Variants in GRIA4 observed in about 807,000 individuals in gnomAD.
The protein encoded by GRIA4 is glutamate receptor 4.
A neutral mutation model predicts 104.0 loss-of-function variants in GRIA4; 34 were observed. That is an observed-to-expected ratio of 0.33 (90% CI 0.25 to 0.44). The LOEUF is 0.44. Among genes scored for constraint, GRIA4 ranks in the 20% least tolerant of loss-of-function variants. The pLI, the probability that GRIA4 is intolerant of heterozygous loss-of-function variation, is 1.00. For missense variants in GRIA4, 750 were observed against 1,096.5 expected, an observed-to-expected ratio of 0.68 and a Z score of 4.46; for synonymous variants, 386 against 381.9, an observed-to-expected ratio of 1.01 and a Z score of -0.13.
At chr11:105,752,877 A>G (rs1940085911) in intron 3 of GRIA4, 104 bp from the exon 4 acceptor site, 3 of 1,042,096 alleles carry the variant, frequency 2.9e-6, no homozygotes, top group African/African-American at 3.2e-5. Context: ...GACAGATCCA[A>G]TGATTCAGTG....
intron 12 of GRIA4, among the ~76,000 whole-genome samples, chr11:105,926,021 G>C (rs1947693325): frequency 6.6e-6 from 1 of 151,960 alleles, no homozygotes; most frequent in South Asian, 2.1e-4. Flanking sequence ...AGAGTGAAAA[G>C]AGAGAAAATC....
At chr11:105,803,911 A>G (rs1325709763) in intron 4 of GRIA4, among the ~76,000 whole-genome samples, 1 of 151,440 alleles carries the variant, frequency 6.6e-6, no homozygotes, top group Non-Finnish European at 1.5e-5. Context: ...CTTGGAGGTT[A>G]CAGTTGAGAC....
chr11:105,887,252 G>A, intron 5 of GRIA4, among the ~76,000 whole-genome samples: 1 of 152,162 alleles, frequency 6.6e-6, no homozygotes, highest in South Asian at 2.1e-4. Context: ...TTGGTTCATA[G>A]CATTGTCATT....
intron 10 of GRIA4, chr11:105,911,807 T>TATATATATATATATATATATATATA (rs1947252139): frequency 3.2e-6 from 1 of 310,376 alleles, no homozygotes; most frequent in Admixed American, 4.6e-5. Context: ...TATATATATA[T>TATATATATATATATATATATATATA]ATGTTTCTTT....
At chr11:105,865,098 TA>T (rs1383540449) in intron 5 of GRIA4, among the ~76,000 whole-genome samples, 1 of 152,244 alleles carries the variant, frequency 6.6e-6, no homozygotes, top group African/African-American at 2.4e-5. Context: ...TTCGTTCTTA[TA>T]AATGTATTGC....
At chr11:105,669,866 T>C (rs560132709) in intron 3 of GRIA4, among the ~76,000 whole-genome samples, 3 of 152,244 alleles carry the variant, frequency 2.0e-5, no homozygotes, top group African/African-American at 7.2e-5. Flanking sequence ...TTTTGCAAAG[T>C]TGTTTCTGCA....
intron 4 of GRIA4, among the ~76,000 whole-genome samples, chr11:105,817,384 T>C (rs1480554110): frequency 6.6e-6 from 1 of 150,708 alleles, no homozygotes; most frequent in Non-Finnish European, 1.5e-5. Flanking sequence ...TTGTGGTGTT[T>C]ACACATCTGC....
At chr11:105,892,425 A>C (rs1353460902) in intron 6 of GRIA4, among the ~76,000 whole-genome samples, 1 of 152,112 alleles carries the variant, frequency 6.6e-6, no homozygotes, top group Non-Finnish European at 1.5e-5. Flanking sequence ...TTCTGGATAT[A>C]TAATTAAAGA....
At chr11:105,778,358 T>C (rs1256623264) in intron 4 of GRIA4, among the ~76,000 whole-genome samples, 1 of 152,214 alleles carries the variant, frequency 6.6e-6, no homozygotes, top group Non-Finnish European at 1.5e-5. Flanking sequence ...AACAGATCCT[T>C]GATGATTGCT....
intron 3 of GRIA4, among the ~76,000 whole-genome samples, chr11:105,743,200 C>A (rs1436877250): frequency 1.3e-5 from 2 of 152,160 alleles, no homozygotes; most frequent in African/African-American, 4.8e-5. Context: ...AGTACAGGCA[C>A]TGAAATCCCA....
At chr11:105,736,950 C>T (rs987227001) in intron 3 of GRIA4, among the ~76,000 whole-genome samples, 10 of 151,896 alleles carry the variant, frequency 6.6e-5, no homozygotes, top group African/African-American at 1.5e-4. Context: ...CAAACACACA[C>T]GCAGAAGCAG....
intron 3 of GRIA4, among the ~76,000 whole-genome samples, chr11:105,688,360 C>T (rs1952967448): frequency 1.3e-5 from 2 of 151,984 alleles, no homozygotes; most frequent in Admixed American, 1.3e-4. Context: ...ACATCGAGAC[C>T]ATCCTGGCTA....
intron 3 of GRIA4, among the ~76,000 whole-genome samples, chr11:105,657,043 A>C (rs1942967): frequency 0.52 from 78,078 of 151,132 alleles, 20,364 homozygotes; most frequent in Admixed American, 0.61. Flanking sequence ...GCTCCAGAAA[A>C]AAAAAGGGTT....
At chr11:105,636,341 C>T (rs1268292660) in intron 3 of GRIA4, among the ~76,000 whole-genome samples, 1 of 152,162 alleles carries the variant, frequency 6.6e-6, no homozygotes, top group Non-Finnish European at 1.5e-5. Flanking sequence ...TTTCCCATCA[C>T]TTTCATTTTT....
chr11:105,740,558 C>A (rs1939243014), intron 3 of GRIA4, among the ~76,000 whole-genome samples: 1 of 152,170 alleles, frequency 6.6e-6, no homozygotes, highest in African/African-American at 2.4e-5. Flanking sequence ...GTGTATTCTC[C>A]TACATAAAAG....
intron 14 of GRIA4, among the ~76,000 whole-genome samples, chr11:105,964,614 T>C (rs573102577): frequency 6.6e-5 from 10 of 152,260 alleles, no homozygotes; most frequent in African/African-American, 2.4e-4. Context: ...TAAAATAGCA[T>C]ATCACAAACG....
At chr11:105,737,251 T>C (rs1939011260) in intron 3 of GRIA4, among the ~76,000 whole-genome samples, 1 of 152,138 alleles carries the variant, frequency 6.6e-6, no homozygotes, top group Non-Finnish European at 1.5e-5. Context: ...AAAATTGTTT[T>C]TGAAATTTGA....
chr11:105,913,041 G>A (rs1308294209), intron 10 of GRIA4: 1 of 910,120 alleles, frequency 1.1e-6, no homozygotes, highest in African/African-American at 1.8e-5. Context: ...CTTTGTGTAT[G>A]TTCTTATTTA....
intron 3 of GRIA4, among the ~76,000 whole-genome samples, chr11:105,669,696 T>C (rs1390242751): frequency 6.6e-6 from 1 of 152,266 alleles, no homozygotes; most frequent in African/African-American, 2.4e-5. Flanking sequence ...TTCTCCTCTA[T>C]ATCTCAGGTA....
Sources: gnomAD v4.1 joint callset for allele counts (sites outside exome capture counted in the v4.1 genomes callset) on GRCh38, gnomAD v4.1.1 for gene constraint, MANE v1.5 for transcripts, NCBI Gene and HGNC (gene_info 2026-07-23, HGNC 2026-07-21) for gene names.